Variants in ADAM2 observed in about 807,000 individuals in gnomAD.
The protein encoded by ADAM2 is ADAM metallopeptidase domain 2.
Under a neutral mutation model 99.3 loss-of-function variants are expected in ADAM2, and 101 were observed. The observed-to-expected ratio is 1.02, with a 90% CI of 0.87 to 1.20. The LOEUF is 1.20. Among genes scored for constraint, ADAM2 ranks in the 50% most tolerant of loss-of-function variants. ADAM2 has a pLI of 0.00. For synonymous variants in ADAM2, 323 were observed against 287.6 expected (o/e 1.12, Z -1.25); for missense variants, 948 against 878.7 (o/e 1.08, Z -1.00).
chr8:39,813,445 A>G, intron 6 of ADAM2, among the ~76,000 whole-genome samples: 1 of 152,240 alleles, frequency 6.6e-6, no homozygotes, highest in Non-Finnish European at 1.5e-5. Flanking sequence ...ATTATAAATC[A>G]TGCTGCTATA....
intron 16 of ADAM2, among the ~76,000 whole-genome samples, chr8:39,750,275 T>A (rs372103206): frequency 1.6e-4 from 25 of 152,256 alleles, no homozygotes; most frequent in African/African-American, 5.3e-4. Flanking sequence ...AGTCATTCAT[T>A]AAATAAATAT....
chr8:39,781,878 C>T (rs1461438653), intron 10 of ADAM2, among the ~76,000 whole-genome samples: 2 of 152,132 alleles, frequency 1.3e-5, no homozygotes, highest in Non-Finnish European at 2.9e-5. Context: ...CATACAAAAA[C>T]ACCAATGGTC....
At chr8:39,785,441 G>A (rs1328010903) in intron 10 of ADAM2, among the ~76,000 whole-genome samples, 1 of 152,210 alleles carries the variant, frequency 6.6e-6, no homozygotes, top group Non-Finnish European at 1.5e-5. Context: ...TTCAGAAACT[G>A]TGGAAAGCAG....
Position 39,812,146 on chromosome 8 carries a change from G to A in ADAM2, c.514-2680C>T, listed in dbSNP as rs987462394. ...CTATACAATAACAGACAAACAGAGAGCCAAATCATGAGTAAACTCCCATTC... is the reference window on the plus strand; with the variant it reads ...CTATACAATAACAGACAAACAGAGAACCAAATCATGAGTAAACTCCCATTC... On this transcript the variant is annotated intron_variant, in intron 6 of 20. Coordinates refer to ENST00000265708, the MANE Select transcript of ADAM2 (RefSeq NM_001464.5). Among the ~76,000 whole-genome samples the A allele has an allele frequency of 3.3e-5, 5 of 152,128 alleles. No individual in the cohort carries two copies. The East Asian group carries it at 9.6e-4, about 29-fold the overall frequency.
intron 3 of ADAM2, among the ~76,000 whole-genome samples, chr8:39,827,123 T>C (rs74956671): frequency 2.2e-4 from 34 of 152,068 alleles, no homozygotes; most frequent in African/African-American, 8.2e-4. Flanking sequence ...CCAAGAGGTA[T>C]ATGAAAAACT....
In ADAM2 at chr8:39,767,023, C is replaced by T. The variant is rs1412896854; in HGVS notation, c.1332G>A (p.Met444Ile). Residue 444 changes from methionine (M) to isoleucine (I), a missense_variant, in exon 14 of 21, where the codon ATG (methionine) becomes ATA (isoleucine). By Grantham distance (10) the Met-to-Ile change is conservative. Coordinates refer to ENST00000265708, the MANE Select transcript of ADAM2 (RefSeq NM_001464.5). Reference sequence around the variant, plus strand: ...CGCATTCTTCAAAGGAAGGCCTACACATTCTTTCTTTTGACATAAACTGAT... The same window carrying T: ...CGCATTCTTCAAAGGAAGGCCTACATATTCTTTCTTTTGACATAAACTGAT... Reference protein sequence around the residue: ...ENCLFMSKERMCRPSFEECDL... With the variant: ...ENCLFMSKERICRPSFEECDL... 3 of 1,613,938 alleles carry T rather than the reference C, an allele frequency of 1.9e-6. No homozygotes were observed. The highest frequency in any genetic ancestry group is 8.5e-7 in the Non-Finnish European group (1 of 1,179,874).
At chr8:39,773,749 G>A (rs1009796573) in intron 11 of ADAM2, among the ~76,000 whole-genome samples, 3 of 151,706 alleles carry the variant, frequency 2.0e-5, no homozygotes, top group Admixed American at 6.6e-5. Flanking sequence ...ATCCAGTTCC[G>A]GACAGCTTCA....
chr8:39,761,888 T>C (rs899196896), intron 14 of ADAM2, among the ~76,000 whole-genome samples: 10 of 152,138 alleles, frequency 6.6e-5, no homozygotes, highest in African/African-American at 1.2e-4. Flanking sequence ...GAGACCAGCC[T>C]GTCTAACACA....
chr8:39,800,114 T>C (rs1400949891), intron 7 of ADAM2, among the ~76,000 whole-genome samples: 1 of 152,228 alleles, frequency 6.6e-6, no homozygotes. Context: ...AGTTTCTTTG[T>C]AGTGCCATGG....
chr8:39,824,292 AAAG>A (rs1356212219), intron 4 of ADAM2, among the ~76,000 whole-genome samples: 2 of 151,730 alleles, frequency 1.3e-5, no homozygotes, highest in Non-Finnish European at 2.9e-5. Context: ...AAAAAAAAAA[AAAG>A]AACACTTCAG....
chr8:39,794,764 A>T (rs1803868818), intron 7 of ADAM2, among the ~76,000 whole-genome samples: 1 of 152,128 alleles, frequency 6.6e-6, no homozygotes, highest in South Asian at 2.1e-4. Flanking sequence ...AGCCCTTAAA[A>T]GGGACAGGAA....
At chr8:39,771,516 T>C (rs1802777861) in intron 11 of ADAM2, among the ~76,000 whole-genome samples, 1 of 152,292 alleles carries the variant, frequency 6.6e-6, no homozygotes, top group South Asian at 2.1e-4. Context: ...AAGATTATAA[T>C]CACGATGGCC....
chr8:39,808,605 T>C (rs1804552377), intron 7 of ADAM2, among the ~76,000 whole-genome samples: 1 of 152,174 alleles, frequency 6.6e-6, no homozygotes, highest in Admixed American at 6.5e-5. Context: ...ACAGAATTGC[T>C]AAATATTTTT....
In ADAM2 at chr8:39,777,080, C is replaced by T; in HGVS notation, c.973G>A (p.Asp325Asn). ...LSLSMGITYD[D>N]INKCQCSGAV... ...CCTGAGCACTGGCATTTGTTAATGTCATCATAAGTGATCCCCATACTAAGG... is the reference window on the plus strand; with the variant it reads ...CCTGAGCACTGGCATTTGTTAATGTTATCATAAGTGATCCCCATACTAAGG... Residue 325 changes from aspartate to asparagine, a missense_variant, in exon 11 of 21, where the codon GAC becomes AAC. Coordinates refer to ENST00000265708, the MANE Select transcript of ADAM2 (RefSeq NM_001464.5). 4 of 1,599,436 alleles carry T rather than the reference C, an allele frequency of 2.5e-6. No homozygotes were observed. Among genetic ancestry groups the T allele is most frequent in the Non-Finnish European group, 2.6e-6 (3 of 1,167,302 alleles).
intron 6 of ADAM2, among the ~76,000 whole-genome samples, chr8:39,809,821 C>A (rs1198688717): frequency 6.6e-6 from 1 of 152,126 alleles, no homozygotes; most frequent in East Asian, 1.9e-4. Context: ...CCAGCCACTG[C>A]AAAAACATGC....
chr8:39,809,271 A>G, intron 7 of ADAM2, 139 bp downstream of exon 7: 1 of 549,918 alleles, frequency 1.8e-6, no homozygotes, highest in Non-Finnish European at 3.2e-6. Flanking sequence ...TTTACTACTG[A>G]TATTAATAAT....
In ADAM2 at chr8:39,805,961, C is replaced by CAT. The variant is rs1301015745; in HGVS notation, c.570+3447_570+3448dup. 3.3e-5 allele frequency among the ~76,000 whole-genome samples: 5 copies of CAT among 152,052 alleles called. No homozygotes were observed. The East Asian group carries it at 7.7e-4, about 23-fold the overall frequency. On this transcript the variant is annotated intron_variant, in intron 7 of 20. Coordinates refer to ENST00000265708, the MANE Select transcript of ADAM2 (RefSeq NM_001464.5). ...ATAGTCATGGTAGTCAGGAATATTC[C>CAT]ATATATATATGAAGTAGCATCCATG... is the stretch of plus-strand genomic sequence containing the variant.
rs764916569 is a variant in ADAM2, at chr8:39,746,472, T to G, written c.2174A>C (p.Glu725Ala). 2 of 1,554,358 alleles carry G rather than the reference T, an allele frequency of 1.3e-6. No individual in the cohort carries two copies. Among genetic ancestry groups the G allele is most frequent in the East Asian group, 4.7e-5 (2 of 42,972 alleles). The change falls in exon 19 of 21, where the codon GAG becomes GCG. Residue 725 changes from glutamate to alanine, a missense_variant and splice_region_variant. By Grantham distance (107) the Glu-to-Ala change is moderately radical. Coordinates refer to ENST00000265708, the MANE Select transcript of ADAM2 (RefSeq NM_001464.5). The stretch of plus-strand genomic sequence containing the variant: ...AATCTTAAATATGAAATCAATATAC[T>G]CATCGCTTGAATAGTCCTCAGTTCT... The part of the protein sequence containing the change: ...KWRTEDYSSD[E>A]QPESESEPKG
chr8:39,790,133 C>A (rs2100309), intron 7 of ADAM2, among the ~76,000 whole-genome samples: 1 of 151,560 alleles, frequency 6.6e-6, no homozygotes, highest in African/African-American at 2.4e-5. Flanking sequence ...GTTTGTCAAA[C>A]GTGAAAAGGA....
Sources: gnomAD v4.1 joint callset for allele counts (sites outside exome capture counted in the v4.1 genomes callset) on GRCh38, gnomAD v4.1.1 for gene constraint, MANE v1.5 for transcripts, NCBI Gene and HGNC (gene_info 2026-07-23, HGNC 2026-07-21) for gene names.